Variants in HPSE2 observed in about 807,000 individuals in gnomAD.
The protein encoded by HPSE2 is inactive heparanase-2.
Under a neutral mutation model 60.5 loss-of-function variants are expected in HPSE2, and 38 were observed. The ratio of observed to expected loss-of-function variants is 0.63; its 90% CI spans 0.48 to 0.82. The LOEUF is 0.82. Ranked by LOEUF, HPSE2 falls within the 40% of genes least tolerant of loss-of-function variation. HPSE2 has a pLI of 0.00. For synonymous variants in HPSE2, 295 were observed against 293.2 expected, an observed-to-expected ratio of 1.01 and a Z score of -0.06; for missense variants, 713 against 740.4, an observed-to-expected ratio of 0.96 and a Z score of 0.43.
intron 3 of HPSE2, among the ~76,000 whole-genome samples, chr10:99,089,269 T>A (rs1341649981): frequency 6.6e-6 from 1 of 152,250 alleles, no homozygotes; most frequent in Non-Finnish European, 1.5e-5. Context: ...TAGAAGGGTT[T>A]TTCCGATGTT....
At chr10:98,641,760 G>C (rs1946642953) in intron 7 of HPSE2, 87 bp downstream of exon 7, 6 of 991,016 alleles carry the variant, frequency 6.1e-6, no homozygotes, top group Non-Finnish European at 9.7e-6. Context: ...GGTTCCCACA[G>C]TGCTGATGCC....
chr10:98,757,409 A>G (rs532422102), intron 3 of HPSE2, among the ~76,000 whole-genome samples: 26 of 152,212 alleles, frequency 1.7e-4, no homozygotes, highest in African/African-American at 6.0e-4. Context: ...TTCACAGACA[A>G]TATGATTCTA....
chr10:99,285,476 A>AAGGG, the HPSE2 span, among the ~76,000 whole-genome samples: 251 of 97,106 alleles, frequency 2.6e-3, 2 homozygotes, highest in African/African-American at 3.6e-3. Context: ...GGAAGGAAGG[A>AAGGG]AGGGAGGGAG....
intron 3 of HPSE2, among the ~76,000 whole-genome samples, chr10:98,973,866 G>A (rs1956020286): frequency 6.6e-6 from 1 of 151,858 alleles, no homozygotes; most frequent in Non-Finnish European, 1.5e-5. Context: ...AAAGGGGGGG[G>A]GAGATATAAT....
intron 9 of HPSE2, among the ~76,000 whole-genome samples, chr10:98,551,738 ATTCT>A (rs1356451375): frequency 6.6e-6 from 1 of 152,166 alleles, no homozygotes; most frequent in African/African-American, 2.4e-5. Context: ...TTTCTAATAA[ATTCT>A]TTTTTTTCTT....
intron 5 of HPSE2, among the ~76,000 whole-genome samples, chr10:98,696,277 G>A (rs1240898269): frequency 7.9e-6 from 1 of 126,914 alleles, no homozygotes; most frequent in East Asian, 2.4e-4. Context: ...AAGCAGAGAT[G>A]ATCAGAGGCT....
intron 6 of HPSE2, among the ~76,000 whole-genome samples, chr10:98,687,869 T>C (rs1283038147): frequency 6.6e-6 from 1 of 152,206 alleles, no homozygotes; most frequent in African/African-American, 2.4e-5. Context: ...AGGCAGAATA[T>C]AATTGAGTCT....
intron 3 of HPSE2, among the ~76,000 whole-genome samples, chr10:98,856,967 T>C (rs958914112): frequency 1.3e-5 from 2 of 152,202 alleles, no homozygotes; most frequent in Non-Finnish European, 2.9e-5. Context: ...TTTTCCACAA[T>C]ATGGATAATA....
the HPSE2 span, among the ~76,000 whole-genome samples, chr10:99,244,218 C>T: frequency 1.3e-5 from 2 of 151,592 alleles, no homozygotes; most frequent in African/African-American, 4.8e-5. Flanking sequence ...AGGGTTTCAC[C>T]ATGTTAGCCA....
intron 3 of HPSE2, among the ~76,000 whole-genome samples, chr10:98,916,727 T>C (rs1337742901): frequency 6.6e-6 from 1 of 152,306 alleles, no homozygotes; most frequent in East Asian, 1.9e-4. Context: ...TAAATAGAAA[T>C]ATTAAGTTTG....
At chr10:98,892,668 C>T (rs748716686) in intron 3 of HPSE2, among the ~76,000 whole-genome samples, 4 of 152,174 alleles carry the variant, frequency 2.6e-5, no homozygotes, top group Non-Finnish European at 4.4e-5. Flanking sequence ...TTCCAAAAAC[C>T]ACAAGCTAAT....
intron 3 of HPSE2, among the ~76,000 whole-genome samples, chr10:99,111,457 G>A (rs368082213): frequency 6.6e-6 from 1 of 152,164 alleles, no homozygotes; most frequent in East Asian, 1.9e-4. Flanking sequence ...TCTAGAGGGA[G>A]AAGGCAGAGG....
At chr10:98,819,374 T>A (rs1354019878) in intron 3 of HPSE2, among the ~76,000 whole-genome samples, 1 of 151,862 alleles carries the variant, frequency 6.6e-6, no homozygotes, top group Non-Finnish European at 1.5e-5. Flanking sequence ...CCTTTAACAG[T>A]TTACAAATCT....
At chr10:98,865,313 T>C (rs552766668) in intron 3 of HPSE2, among the ~76,000 whole-genome samples, 5 of 152,180 alleles carry the variant, frequency 3.3e-5, no homozygotes, top group East Asian at 1.9e-4. Flanking sequence ...AGAAAAAAGA[T>C]ATGAGAGACT....
intron 3 of HPSE2, among the ~76,000 whole-genome samples, chr10:98,771,400 A>G (rs1047907184): frequency 2.6e-5 from 4 of 152,098 alleles, no homozygotes; most frequent in Admixed American, 1.3e-4. Context: ...GAGTTTAGTG[A>G]CCACCCTTCC....
rs939908088 is a variant in HPSE2, at chr10:99,100,480, T to C, written c.610+43758A>G. On this transcript the variant is annotated intron_variant, in intron 3 of 11. Coordinates refer to ENST00000370552, the MANE Select transcript of HPSE2 (RefSeq NM_021828.5). ...AGAAACAAATAAAACCTCCAAGAAA[T>C]AGGGGACTATGTGAAAAGACCAAAT... 4.0e-5 allele frequency among the ~76,000 whole-genome samples: 6 copies of C among 151,862 alleles called. No individual in the cohort carries two copies. In the East Asian group the frequency reaches 1.2e-3, roughly 29 times the overall value.
chr10:99,130,735 C>A (rs935017118), intron 3 of HPSE2, among the ~76,000 whole-genome samples: 2 of 152,128 alleles, frequency 1.3e-5, no homozygotes, highest in African/African-American at 2.4e-5. Context: ...GGTGCAGGGG[C>A]CTTAAGACTA....
chr10:99,268,055 G>A, the HPSE2 span, among the ~76,000 whole-genome samples: 1 of 152,178 alleles, frequency 6.6e-6, no homozygotes, highest in African/African-American at 2.4e-5. Flanking sequence ...TGAGGCAAGA[G>A]TACCAGGTAA....
intron 6 of HPSE2, among the ~76,000 whole-genome samples, chr10:98,651,567 G>A (rs529879741): frequency 3.3e-5 from 5 of 151,806 alleles, no homozygotes; most frequent in South Asian, 2.1e-4. Context: ...CTAAAATATC[G>A]TATTTTTTTT....
Sources: gnomAD v4.1 joint callset for allele counts (sites outside exome capture counted in the v4.1 genomes callset) on GRCh38, gnomAD v4.1.1 for gene constraint, MANE v1.5 for transcripts, NCBI Gene and HGNC (gene_info 2026-07-23, HGNC 2026-07-21) for gene names.